CSMD1: variants seen among roughly 807,000 people sequenced by gnomAD.
CSMD1 encodes the protein CUB and sushi domain-containing protein 1.
A neutral mutation model predicts 417.5 loss-of-function variants in CSMD1; 213 were observed. The ratio of observed to expected loss-of-function variants is 0.51; its 90% CI spans 0.46 to 0.57. The LOEUF is 0.57. Ranked by LOEUF, CSMD1 falls within the 20% of genes least tolerant of loss-of-function variation. CSMD1 has a pLI of 0.00. For missense variants in CSMD1, 6,923 were observed against 4,529.7 expected (o/e 1.53, Z -15.17); for synonymous variants, 2,862 against 1,736.8 (o/e 1.65, Z -16.11).
intron 3 of CSMD1, among the ~76,000 whole-genome samples, chr8:4,401,715 G>C (rs1350253717): frequency 6.6e-6 from 1 of 151,974 alleles, no homozygotes; most frequent in Non-Finnish European, 1.5e-5. Flanking sequence ...CTCCTTCTTT[G>C]AGAATTCCCT....
intron 3 of CSMD1, among the ~76,000 whole-genome samples, chr8:4,255,838 TC>T (rs1219199417): frequency 6.6e-6 from 1 of 152,200 alleles, no homozygotes; most frequent in Non-Finnish European, 1.5e-5. Context: ...GCCTTGCCTA[TC>T]TTTTAAGTTT....
intron 5 of CSMD1, among the ~76,000 whole-genome samples, chr8:3,898,881 C>G (rs1446388064): frequency 2.6e-5 from 4 of 152,056 alleles, no homozygotes; most frequent in African/African-American, 9.7e-5. Context: ...TGTTGGTCCC[C>G]TTAGGGGTTA....
At chr8:3,489,901 T>G (rs1276682251) in intron 11 of CSMD1, among the ~76,000 whole-genome samples, 2 of 152,228 alleles carry the variant, frequency 1.3e-5, no homozygotes, top group Admixed American at 1.3e-4. Flanking sequence ...TGAAGAGGTT[T>G]TAAACTGCTG....
At chr8:4,361,322 G>C (rs562605690) in intron 3 of CSMD1, among the ~76,000 whole-genome samples, 35 of 152,278 alleles carry the variant, frequency 2.3e-4, no homozygotes, top group Admixed American at 9.2e-4. Context: ...TAAAATATTA[G>C]ATAATGATAT....
intron 12 of CSMD1, among the ~76,000 whole-genome samples, chr8:3,453,347 C>T (rs1413715209): frequency 1.3e-5 from 2 of 152,076 alleles, no homozygotes; most frequent in Non-Finnish European, 2.9e-5. Context: ...TTCTCACCTT[C>T]TGCTGGCTTT....
intron 7 of CSMD1, among the ~76,000 whole-genome samples, chr8:3,680,894 C>T (rs918201372): frequency 2.0e-5 from 3 of 152,158 alleles, no homozygotes; most frequent in African/African-American, 7.2e-5. Context: ...ATACGCAAAT[C>T]AGTAAACGTA....
At chr8:3,163,223 C>A (rs1388604137) in intron 37 of CSMD1, among the ~76,000 whole-genome samples, 1 of 152,100 alleles carries the variant, frequency 6.6e-6, no homozygotes, top group East Asian at 1.9e-4. Context: ...TCTAACATGT[C>A]ATGAAGAAAT....
chr8:3,430,618 C>T (rs894993075), intron 12 of CSMD1, among the ~76,000 whole-genome samples: 1 of 152,032 alleles, frequency 6.6e-6, no homozygotes, highest in Non-Finnish European at 1.5e-5. Flanking sequence ...ACCAGCCTGT[C>T]CAAAATGGTG....
At chr8:4,131,111 C>A (rs913829536) in intron 3 of CSMD1, among the ~76,000 whole-genome samples, 5 of 152,124 alleles carry the variant, frequency 3.3e-5, no homozygotes, top group Non-Finnish European at 5.9e-5. Context: ...AAAAGGAGAA[C>A]CACTGCTTAT....
intron 3 of CSMD1, among the ~76,000 whole-genome samples, chr8:4,260,342 C>G (rs1378530886): frequency 6.6e-6 from 1 of 152,062 alleles, no homozygotes; most frequent in African/African-American, 2.4e-5. Flanking sequence ...GCCTGATTTC[C>G]CACTGAGTTG....
chr8:3,242,436 T>A (rs1050365285), intron 26 of CSMD1, among the ~76,000 whole-genome samples: 29 of 152,026 alleles, frequency 1.9e-4, no homozygotes, highest in South Asian at 1.0e-3. Flanking sequence ...AGGTAGGGAC[T>A]GATGTGTAAA....
intron 23 of CSMD1, 95 bp downstream of exon 23, chr8:3,343,199 G>A: frequency 8.9e-7 from 1 of 1,118,006 alleles, no homozygotes; most frequent in Non-Finnish European, 1.3e-6. Context: ...TAGGCAGCCA[G>A]AAAAAAATCA....
intron 1 of CSMD1, among the ~76,000 whole-genome samples, chr8:4,900,822 T>C (rs1376311507): frequency 6.6e-6 from 1 of 152,154 alleles, no homozygotes; most frequent in Non-Finnish European, 1.5e-5. Context: ...GACACATGAA[T>C]TCTCACGGCT....
intron 2 of CSMD1, among the ~76,000 whole-genome samples, chr8:4,610,573 C>G (rs1801116383): frequency 6.6e-6 from 1 of 152,092 alleles, no homozygotes; most frequent in Non-Finnish European, 1.5e-5. Flanking sequence ...TCATACATAT[C>G]CTTCCTCCCT....
intron 27 of CSMD1, among the ~76,000 whole-genome samples, chr8:3,224,558 A>G (rs907552908): frequency 2.0e-5 from 3 of 152,208 alleles, no homozygotes; most frequent in African/African-American, 7.2e-5. Flanking sequence ...CTAAGTATAC[A>G]TATCAGTGAG....
intron 3 of CSMD1, among the ~76,000 whole-genome samples, chr8:4,245,354 A>C (rs73188015): frequency 2.0e-3 from 297 of 152,258 alleles, no homozygotes; most frequent in Middle Eastern, 0.01. Context: ...GGGTGGGAGG[A>C]AAGATTGCAA....
At chr8:4,457,896 C>T (rs149385927) in intron 2 of CSMD1, among the ~76,000 whole-genome samples, 33 of 152,238 alleles carry the variant, frequency 2.2e-4, no homozygotes, top group Admixed American at 7.2e-4. Context: ...CCGTAGTGAA[C>T]GTCTCCATTT....
intron 3 of CSMD1, among the ~76,000 whole-genome samples, chr8:4,203,692 A>G (rs921170478): frequency 6.6e-6 from 1 of 152,140 alleles, no homozygotes; most frequent in Non-Finnish European, 1.5e-5. Context: ...TAGGGATCAC[A>G]CACACACAAA....
chr8:3,640,541 T>G (rs563528286), intron 7 of CSMD1, among the ~76,000 whole-genome samples: 2 of 152,306 alleles, frequency 1.3e-5, no homozygotes, highest in Admixed American at 6.5e-5. Context: ...AAGCATAAAC[T>G]CATTTTTTTC....
Sources: allele counts gnomAD v4.1 joint callset (sites outside exome capture counted in the v4.1 genomes callset), GRCh38; gene constraint gnomAD v4.1.1; transcripts MANE v1.5; gene names NCBI Gene and HGNC (gene_info 2026-07-23, HGNC 2026-07-21).